Variants in KAT6B observed in about 807,000 individuals in gnomAD.
KAT6B encodes the protein histone acetyltransferase KAT6B.
KAT6B carries 10 observed loss-of-function variants against 187.5 expected under a neutral mutation model. That is an observed-to-expected ratio of 0.05 (90% CI 0.03 to 0.09). The LOEUF is 0.09. Ranked by LOEUF, KAT6B falls within the 10% of genes least tolerant of loss-of-function variation. The pLI is 1.00. For synonymous variants in KAT6B, 861 were observed against 926.8 expected, an observed-to-expected ratio of 0.93 and a Z score of 1.29; for missense variants, 1,952 against 2,558.9, an observed-to-expected ratio of 0.76 and a Z score of 5.12.
intron 13 of KAT6B, among the ~76,000 whole-genome samples, chr10:75,016,696 C>T (rs532267747): frequency 1.3e-5 from 2 of 152,286 alleles, no homozygotes; most frequent in East Asian, 3.9e-4. Flanking sequence ...CTTTGTTTTC[C>T]ATCTGAAACA....
intron 17 of KAT6B, among the ~76,000 whole-genome samples, chr10:75,026,727 C>T (rs1414014642): frequency 6.6e-6 from 1 of 151,878 alleles, no homozygotes; most frequent in Non-Finnish European, 1.5e-5. Flanking sequence ...TCATATTATG[C>T]CTGATTCCTT....
At chr10:74,911,716 G>A (rs1847214914) in intron 3 of KAT6B, among the ~76,000 whole-genome samples, 1 of 152,020 alleles carries the variant, frequency 6.6e-6, no homozygotes, top group Admixed American at 6.6e-5. Flanking sequence ...TCTATGTCAA[G>A]TTAACTTTTC....
intron 1 of KAT6B, among the ~76,000 whole-genome samples, chr10:74,829,958 C>T (rs1424868185): frequency 6.8e-6 from 1 of 146,882 alleles, no homozygotes; most frequent in African/African-American, 2.6e-5. Flanking sequence ...GCGGAGGTTG[C>T]AGTGAGCTGA....
intron 3 of KAT6B, among the ~76,000 whole-genome samples, chr10:74,956,988 T>C (rs777635408): frequency 6.6e-6 from 1 of 152,238 alleles, no homozygotes; most frequent in Non-Finnish European, 1.5e-5. Flanking sequence ...TTTGGTATCA[T>C]TTTCAGACAT....
chr10:74,835,786 T>C (rs184872655), intron 1 of KAT6B, among the ~76,000 whole-genome samples: 230 of 152,338 alleles, frequency 1.5e-3, no homozygotes, highest in Non-Finnish European at 2.9e-3. Flanking sequence ...TATTATAGTT[T>C]AGTGCTTTGT....
At chr10:75,002,022 CG>C (rs1378702761) in intron 13 of KAT6B, among the ~76,000 whole-genome samples, 1 of 152,128 alleles carries the variant, frequency 6.6e-6, no homozygotes. Flanking sequence ...GTCTCTGCAC[CG>C]TGTGGTCAGC....
chr10:74,921,626 C>T (rs1379925712), intron 3 of KAT6B, among the ~76,000 whole-genome samples: 1 of 152,160 alleles, frequency 6.6e-6, no homozygotes, highest in Non-Finnish European at 1.5e-5. Flanking sequence ...CTGCCTATTA[C>T]AGTCTCATTC....
intron 3 of KAT6B, among the ~76,000 whole-genome samples, chr10:74,847,134 G>A (rs1842166287): frequency 6.6e-6 from 1 of 152,148 alleles, no homozygotes; most frequent in Non-Finnish European, 1.5e-5. Context: ...TGAGAGCAGA[G>A]TAATTTATTG....
chr10:74,905,003 C>CA (rs1453864183), intron 3 of KAT6B, among the ~76,000 whole-genome samples: 2 of 152,066 alleles, frequency 1.3e-5, no homozygotes, highest in African/African-American at 4.8e-5. Flanking sequence ...ACTGGGGAGA[C>CA]AAAATGAGTT....
intron 13 of KAT6B, among the ~76,000 whole-genome samples, chr10:74,999,022 T>A (rs996106957): frequency 3.9e-5 from 6 of 152,232 alleles, no homozygotes; most frequent in Non-Finnish European, 5.9e-5. Context: ...GTAAAAAATA[T>A]GCAAAGCAAA....
intron 3 of KAT6B, among the ~76,000 whole-genome samples, chr10:74,949,161 T>C (rs540615874): frequency 1.3e-5 from 2 of 152,354 alleles, no homozygotes; most frequent in African/African-American, 4.8e-5. Context: ...CATGATATGC[T>C]TGCCAAAGAG....
intron 3 of KAT6B, among the ~76,000 whole-genome samples, chr10:74,881,407 G>A (rs989358653): frequency 2.6e-5 from 4 of 152,120 alleles, no homozygotes; most frequent in African/African-American, 9.7e-5. Flanking sequence ...TAAGGTGCTG[G>A]CCTGTACCCT....
chr10:74,907,500 G>A (rs1228867091), intron 3 of KAT6B, among the ~76,000 whole-genome samples: 1 of 152,092 alleles, frequency 6.6e-6, no homozygotes, highest in Non-Finnish European at 1.5e-5. Context: ...TTTGCTTCAT[G>A]TGACTTTTCT....
intron 16 of KAT6B, among the ~76,000 whole-genome samples, chr10:75,023,245 A>G (rs529895899): frequency 1.3e-5 from 2 of 152,358 alleles, no homozygotes; most frequent in Admixed American, 6.5e-5. Flanking sequence ...AGATATCACA[A>G]TACAAGCTAA....
chr10:74,943,378 T>C (rs1237428028), intron 3 of KAT6B, among the ~76,000 whole-genome samples: 1 of 152,214 alleles, frequency 6.6e-6, no homozygotes, highest in African/African-American at 2.4e-5. Context: ...AATGTTACAA[T>C]GTTAGTACTT....
chr10:74,922,977 G>A (rs1338151364), intron 3 of KAT6B, among the ~76,000 whole-genome samples: 1 of 152,196 alleles, frequency 6.6e-6, no homozygotes, highest in Non-Finnish European at 1.5e-5. Context: ...AGAAACACTG[G>A]CTGAATTATA....
chr10:74,885,807 C>T (rs192235555), intron 3 of KAT6B, among the ~76,000 whole-genome samples: 1 of 151,570 alleles, frequency 6.6e-6, no homozygotes, highest in East Asian at 2.0e-4. Flanking sequence ...TCTCAGCTCA[C>T]TGCAACCTCT....
chr10:74,915,091 C>A (rs1847571274), intron 3 of KAT6B, among the ~76,000 whole-genome samples: 3 of 151,994 alleles, frequency 2.0e-5, no homozygotes, highest in Admixed American at 2.0e-4. Flanking sequence ...TGGAGCAAAA[C>A]CTTGTTTCCT....
chr10:74,833,582 A>G (rs1243841964), intron 1 of KAT6B, among the ~76,000 whole-genome samples: 3 of 152,202 alleles, frequency 2.0e-5, no homozygotes, highest in African/African-American at 7.2e-5. Context: ...GTTGAAACTA[A>G]TCTTTGCTAG....
Sources: allele counts gnomAD v4.1 joint callset (sites outside exome capture counted in the v4.1 genomes callset), GRCh38; gene constraint gnomAD v4.1.1; transcripts MANE v1.5; gene names NCBI Gene and HGNC (gene_info 2026-07-23, HGNC 2026-07-21).